Variants in ABI3BP observed in about 807,000 individuals in gnomAD.
The protein encoded by ABI3BP is ABI family member 3 binding protein.
Under a neutral mutation model 268.6 loss-of-function variants are expected in ABI3BP, and 216 were observed. The observed-to-expected ratio is 0.80, with a 90% confidence interval of 0.72 to 0.90. ABI3BP has a LOEUF of 0.90. Ranked by LOEUF, ABI3BP falls within the 40% of genes least tolerant of loss-of-function variation. The probability of loss-of-function intolerance (pLI) is 0.00; values close to 1 mark genes in which losing one functional copy is unlikely to be tolerated. For synonymous variants in ABI3BP, 730 were observed against 730.0 expected (o/e 1.00, Z 0.00); for missense variants, 2,090 against 2,182.4 (o/e 0.96, Z 0.84).
At position 100,834,586 on chromosome 3, in the gene ABI3BP, C is replaced by T. The variant is rs1415664847; in HGVS notation, c.2281+98G>A. 8 of 1,175,460 alleles carry T rather than the reference C, an allele frequency of 6.8e-6. No individual in the cohort carries two copies. The African/African-American group carries it at 7.6e-5, about 11-fold the overall frequency. The allele number at this position is 1,175,460 out of a possible 1,614,324, so 72.8% of individuals were successfully genotyped here. A position where few individuals can be genotyped will look rare whatever the true frequency, so the allele number is the denominator to read the frequency against. ...GCTTTCCATGACTTGGGCCTTCACC[C>T]CAAGGGTCAAGTGGGTTATAAAGTG... On this transcript the variant is annotated intron_variant, in intron 29 of 67. Transcript: ENST00000471714.
rs534006453 is a variant in ABI3BP, at chr3:100,817,338, T to C, written c.3148+98A>G. Reference sequence around the variant, plus strand: ...TGAAGGATAGCAGAAGATGACAAGATAGTCCTACAAAGCTGATGACAATGT... The same window carrying C: ...TGAAGGATAGCAGAAGATGACAAGACAGTCCTACAAAGCTGATGACAATGT... On this transcript the variant is annotated intron_variant, in intron 42 of 67. Transcript: ENST00000471714. 8.7e-5 allele frequency: 70 copies of C among 807,774 alleles called. 1 individual carries two copies. The highest frequency in any genetic ancestry group is 1.2e-4 in the Non-Finnish European group (63 of 535,694). The allele number at this position is 807,774 out of a possible 1,614,324, so 50.0% of individuals were successfully genotyped here.
chr3:100,897,558 GA>G (rs1424433416), intron 4 of ABI3BP, among the ~76,000 whole-genome samples: 6 of 152,164 alleles, frequency 3.9e-5, no homozygotes, highest in African/African-American at 1.4e-4. Flanking sequence ...AAGACAGTCA[GA>G]AAACCCATAC....
chr3:100,959,407 G>A (rs971365364), intron 1 of ABI3BP, among the ~76,000 whole-genome samples: 2 of 147,178 alleles, frequency 1.4e-5, no homozygotes, highest in Admixed American at 6.8e-5. Context: ...GGAGAATGGC[G>A]TGAACCCGGG....
At chr3:100,948,637 G>A (rs2073591872) in intron 1 of ABI3BP, among the ~76,000 whole-genome samples, 1 of 152,094 alleles carries the variant, frequency 6.6e-6, no homozygotes, top group South Asian at 2.1e-4. Context: ...TCCCTCCCAG[G>A]CTGGTGGCAC....
intron 57 of ABI3BP, among the ~76,000 whole-genome samples, chr3:100,785,447 T>C (rs1006503750): frequency 1.3e-5 from 2 of 152,186 alleles, no homozygotes; most frequent in African/African-American, 2.4e-5. Context: ...AAACATTTTT[T>C]CCTCACCAAT....
In ABI3BP at chr3:100,792,820, A is replaced by G. The variant is rs1253517493; in HGVS notation, c.3947-52T>C. 4.6e-6 allele frequency: 7 copies of G among 1,507,300 alleles called. No individual in the cohort carries two copies. The African/African-American group carries it at 5.5e-5, about 12-fold the overall frequency. 93.4% of individuals were successfully genotyped at this position (1,507,300 alleles called of 1,614,324 possible). ...GTTTTAAATAATTAACATTATGAATATGACCAAAAAAACCCATACTCTTTT... is the reference window on the plus strand; with the variant it reads ...GTTTTAAATAATTAACATTATGAATGTGACCAAAAAAACCCATACTCTTTT... On this transcript the variant is annotated intron_variant, in intron 54 of 67. Transcript: ENST00000471714.
chr3:100,820,210 C>T lies in ABI3BP; in HGVS notation c.3031+10G>A. The T allele has an allele frequency of 6.5e-7, 1 of 1,534,658 alleles. No homozygotes were observed. Among genetic ancestry groups the T allele is most frequent in the Non-Finnish European group, 8.7e-7 (1 of 1,145,782 alleles). ...AGGATGAGCTACTTTAACCAGAAAC[C>T]CAAATTTACCCAGTTTGGTTTGAGG... is the stretch of plus-strand genomic sequence containing the variant. On this transcript the variant is annotated intron_variant, in intron 40 of 67. Coordinates refer to ENST00000471714, the MANE Select transcript of ABI3BP (RefSeq NM_001375547.2).
intron 1 of ABI3BP, among the ~76,000 whole-genome samples, chr3:100,965,888 C>G (rs908307333): frequency 6.6e-6 from 1 of 152,108 alleles, no homozygotes; most frequent in African/African-American, 2.4e-5. Flanking sequence ...GATAAAATGT[C>G]CATTATTTGG....
rs1580049606 is a variant in ABI3BP at position 100,841,930 on chromosome 3, T to C, written c.1765+68A>G. On this transcript the variant is annotated intron_variant, in intron 21 of 67. Transcript: ENST00000471714. ...AAAAAAAAAAAACAAAACCCAAAGC[T>C]GAACAAAGTTGAACATGGAGAGTGT... is the stretch of plus-strand genomic sequence containing the variant. The C allele has an allele frequency of 4.1e-6, 5 of 1,233,588 alleles. No individual in the cohort carries two copies. The South Asian group carries it at 7.0e-5, about 17-fold the overall frequency. The allele number at this position is 1,233,588 out of a possible 1,614,324, so 76.4% of individuals were successfully genotyped here.
At chr3:100,930,759 C>T (rs969076937) in intron 1 of ABI3BP, 2 of 151,462 alleles carry the variant, frequency 1.3e-5, no homozygotes, top group East Asian at 3.9e-4. Context: ...CAAATTCCAC[C>T]TATAAAGATG....
intron 6 of ABI3BP, among the ~76,000 whole-genome samples, chr3:100,883,157 G>T (rs1176598968): frequency 6.6e-6 from 1 of 151,982 alleles, no homozygotes; most frequent in Non-Finnish European, 1.5e-5. Flanking sequence ...ATATACCATA[G>T]TTAAATAAAA....
intron 1 of ABI3BP, among the ~76,000 whole-genome samples, chr3:100,956,441 G>A (rs1049477598): frequency 1.9e-4 from 29 of 152,104 alleles, no homozygotes; most frequent in African/African-American, 6.8e-4. Flanking sequence ...AGGTCAATTC[G>A]TTAAATTGTT....
chr3:100,894,954 A>AAAAAAAAAAAAAC (rs2046778099), intron 4 of ABI3BP, among the ~76,000 whole-genome samples: 1 of 132,934 alleles, frequency 7.5e-6, no homozygotes, highest in African/African-American at 2.6e-5. Context: ...AAAAAAAAAA[A>AAAAAAAAAAAAAC]AAAAAAAAAA....
At chr3:100,936,335 C>CGTGGTGGATAA (rs1373145585) in intron 1 of ABI3BP, among the ~76,000 whole-genome samples, 1 of 152,106 alleles carries the variant, frequency 6.6e-6, no homozygotes, top group Non-Finnish European at 1.5e-5. Flanking sequence ...CCGACTTGAT[C>CGTGGTGGATAA]GTGGTGGATA....
At position 100,891,784 on chromosome 3, in the gene ABI3BP, A is replaced by G. The variant is rs150967187; in HGVS notation, c.462-5461T>C. On this transcript the variant is annotated intron_variant, in intron 4 of 67. Transcript: ENST00000471714. ...ATTCACTTATATGTTGAGAACTACT[A>G]TTGTAAAATACAATGCTGGGTTCTG... is the stretch of plus-strand genomic sequence containing the variant. Among the ~76,000 whole-genome samples the G allele has an allele frequency of 4.2e-3, 634 of 152,340 alleles. 2 individuals carry two copies. The highest frequency in any genetic ancestry group is 0.014 in the African/African-American group (597 of 41,578).
At chr3:100,944,927 C>T (rs575093546) in intron 1 of ABI3BP, among the ~76,000 whole-genome samples, 1 of 152,246 alleles carries the variant, frequency 6.6e-6, no homozygotes, top group African/African-American at 2.4e-5. Flanking sequence ...CCACTGTGGG[C>T]ATCTCATATT....
At chr3:100,860,296 A>G (rs532001696) in intron 14 of ABI3BP, among the ~76,000 whole-genome samples, 1 of 152,328 alleles carries the variant, frequency 6.6e-6, no homozygotes, top group Admixed American at 6.5e-5. Context: ...GGCTAATGTT[A>G]ATATGTGCAA....
intron 20 of ABI3BP, chr3:100,844,307 G>A (rs1449955791): frequency 8.1e-6 from 8 of 985,336 alleles, no homozygotes; most frequent in Non-Finnish European, 9.6e-6. Context: ...GAAGCTTAAA[G>A]ATTAAACCAT....
Position 100,749,430 on chromosome 3 carries a change from G to GTACAGGGAAAGGTCCTTT in ABI3BP, c.*1047_*1064dup. 1.0e-5 allele frequency: 4 copies of GTACAGGGAAAGGTCCTTT among 388,112 alleles called. No homozygotes were observed. Among genetic ancestry groups the GTACAGGGAAAGGTCCTTT allele is most frequent in the Non-Finnish European group, 1.8e-5 (4 of 219,442 alleles). 24.0% of individuals were successfully genotyped at this position (388,112 alleles called of 1,614,324 possible). Reference sequence around the variant, plus strand: ...AAGATTGAAGCATGTTGAAAGGTAAGTACAGGGAAAGGTCCTTTCAGAATG... The same window carrying GTACAGGGAAAGGTCCTTT: ...AAGATTGAAGCATGTTGAAAGGTAAGTACAGGGAAAGGTCCTTTTACAGGGAAAGGTCCTTTCAGAATG... On this transcript the variant is annotated 3_prime_UTR_variant, in exon 68 of 68. Coordinates refer to ENST00000471714, the MANE Select transcript of ABI3BP (RefSeq NM_001375547.2).
Sources: gnomAD v4.1 joint callset for allele counts (sites outside exome capture counted in the v4.1 genomes callset) on GRCh38, gnomAD v4.1.1 for gene constraint, MANE v1.5 for transcripts, NCBI Gene and HGNC (gene_info 2026-07-23, HGNC 2026-07-21) for gene names.